The following CASTOR2 variants were observed in gnomAD, a reference collection of about 807,000 sequenced individuals.
CASTOR2 encodes the protein cytosolic arginine sensor for mTORC1 subunit 2.
In CASTOR2, 8 loss-of-function variants were observed where a neutral mutation model predicts 31.2. The ratio of observed to expected loss-of-function variants is 0.26; its 90% CI spans 0.15 to 0.46. The LOEUF (loss-of-function observed/expected upper bound fraction) is 0.46, where lower values mean the gene tolerates loss of function less well. Ranked by LOEUF, CASTOR2 falls within the 20% of genes least tolerant of loss-of-function variation. The pLI is 0.99. For synonymous variants in CASTOR2, 162 were observed against 158.7 expected (o/e 1.02, Z -0.16); for missense variants, 216 against 382.1 (o/e 0.57, Z 3.62).
At chr7:75,021,035 AG>A (rs1278762106) in intron 6 of CASTOR2, among the ~76,000 whole-genome samples, 1 of 151,888 alleles carries the variant, frequency 6.6e-6, no homozygotes, top group Non-Finnish European at 1.5e-5. Context: ...TCTGTTGCCC[AG>A]GCTGGAGTGC....
intron 1 of CASTOR2, among the ~76,000 whole-genome samples, chr7:74,988,062 T>A (rs35525401): frequency 6.7e-6 from 1 of 150,312 alleles, no homozygotes; most frequent in African/African-American, 2.5e-5. Flanking sequence ...GTTCTCACTC[T>A]TGGCCTCTGG....
chr7:74,984,338 G>C (rs1804014848), intron 1 of CASTOR2, among the ~76,000 whole-genome samples: 1 of 151,210 alleles, frequency 6.6e-6, no homozygotes, highest in African/African-American at 2.4e-5. Context: ...AGGAGGGGCA[G>C]GGAAGTTAGT....
chr7:75,005,411 C>T (rs1305965544), intron 1 of CASTOR2, among the ~76,000 whole-genome samples: 2 of 152,182 alleles, frequency 1.3e-5, no homozygotes, highest in East Asian at 3.9e-4. Context: ...TGTTAATGCA[C>T]GAATCAGTAG....
At chr7:75,016,025 C>G (rs1224019542) in intron 2 of CASTOR2, among the ~76,000 whole-genome samples, 1 of 151,994 alleles carries the variant, frequency 6.6e-6, no homozygotes, top group Non-Finnish European at 1.5e-5. Context: ...AAGATCATGC[C>G]AATGTACTCC....
At chr7:75,019,166 A>G in intron 5 of CASTOR2, 71 bp downstream of exon 5, 1 of 1,550,664 alleles carries the variant, frequency 6.4e-7, no homozygotes, top group Non-Finnish European at 8.7e-7. Flanking sequence ...TAGGAGTCTT[A>G]GTCTGACGGG....
At chr7:74,988,964 CTTT>C (rs34618815) in intron 1 of CASTOR2, among the ~76,000 whole-genome samples, 1 of 137,814 alleles carries the variant, frequency 7.3e-6, no homozygotes, top group African/African-American at 2.7e-5. Context: ...GGGAATTTTT[CTTT>C]TTTTTTTTTT....
In CASTOR2 at chr7:75,021,913, G is replaced by A. The variant is rs1039744761; in HGVS notation, c.786G>A (p.Glu262=). 3.1e-5 allele frequency: 48 copies of A among 1,551,760 alleles called. No homozygotes were observed. Among genetic ancestry groups the A allele is most frequent in the Non-Finnish European group, 2.8e-5 (32 of 1,146,924 alleles). Reference sequence around the variant, plus strand: ...TGCTGTTCACAAGCGCATCCGGAGAGCTCTGGAAGATGGTCCGGATTGGAG... The same window carrying A: ...TGCTGTTCACAAGCGCATCCGGAGAACTCTGGAAGATGGTCCGGATTGGAG... ...SNLLFTSASG[E]LWKMVRIGGQ... The change falls in exon 7 of 9, where the codon GAG becomes GAA. Residue 262 remains glutamate, a synonymous_variant. Coordinates refer to ENST00000616305, the MANE Select transcript of CASTOR2 (RefSeq NM_001145064.3).
At chr7:74,967,514 G>C (rs1803592136) in intron 1 of CASTOR2, among the ~76,000 whole-genome samples, 1 of 146,036 alleles carries the variant, frequency 6.8e-6, no homozygotes, top group Non-Finnish European at 1.5e-5. Flanking sequence ...CATGCCCTGA[G>C]GGTCCCTGTG....
At chr7:74,994,117 C>CCGCA (rs1420157885) in intron 1 of CASTOR2, among the ~76,000 whole-genome samples, 1 of 152,242 alleles carries the variant, frequency 6.6e-6, no homozygotes, top group Admixed American at 6.5e-5. Flanking sequence ...GCAGCCGCAG[C>CCGCA]GATTGAAGAT....
At chr7:74,998,585 A>G (rs1393355324) in intron 1 of CASTOR2, among the ~76,000 whole-genome samples, 3 of 137,612 alleles carry the variant, frequency 2.2e-5, no homozygotes, top group East Asian at 2.2e-4. Flanking sequence ...CCTGGGCGAC[A>G]GTGAGACTCC....
intron 1 of CASTOR2, among the ~76,000 whole-genome samples, chr7:74,992,845 G>T (rs1804243915): frequency 6.7e-6 from 1 of 150,056 alleles, no homozygotes; most frequent in Non-Finnish European, 1.5e-5. Flanking sequence ...CAAGGCTGCA[G>T]TGAGCTATGA....
At position 75,020,067 on chromosome 7, in the gene CASTOR2, G is replaced by C; in HGVS notation, c.664G>C (p.Asp222His). 6.4e-7 allele frequency: 1 copy of C among 1,551,482 alleles called. No individual in the cohort carries two copies. Among genetic ancestry groups the C allele is most frequent in the Non-Finnish European group, 8.7e-7 (1 of 1,146,840 alleles). Residue 222 changes from aspartate (D) to histidine (H), a missense_variant, in exon 6 of 9, where the codon GAC (aspartate) becomes CAC (histidine). This residue lies in a region of CASTOR2 where 44 missense variants were observed against 57.5 expected (regional missense o/e 0.76). Coordinates refer to ENST00000616305, the MANE Select transcript of CASTOR2 (RefSeq NM_001145064.3). The stretch of plus-strand genomic sequence containing the variant: ...GAAGGACCCCATGGCCACTGGGGAT[G>C]ACTGCGGCCACATCCGCTTCTTCTC... ...GVKDPMATGD[D>H]CGHIRFFSFS...
Position 74,999,601 on chromosome 7 carries a change from C to CTTTTTTTTTTTT in CASTOR2, c.114-8369_114-8358dup, listed in dbSNP as rs1158456043. On this transcript the variant is annotated intron_variant, in intron 1 of 8. Coordinates refer to ENST00000616305, the MANE Select transcript of CASTOR2 (RefSeq NM_001145064.3). The stretch of plus-strand genomic sequence containing the variant: ...CCCGAAACACTTCTATCACTCACTG[C>CTTTTTTTTTTTT]TTTTTTTTTTTTTTTTTTTTTTTTT... Among the ~76,000 whole-genome samples the CTTTTTTTTTTTT allele has an allele frequency of 4.6e-4, 21 of 45,782 alleles. 8 individuals carry two copies. Among genetic ancestry groups the CTTTTTTTTTTTT allele is most frequent in the African/African-American group, 1.8e-3 (14 of 7,974 alleles). 30.0% of individuals were successfully genotyped at this position (45,782 alleles called of 152,430 possible). A position where few individuals can be genotyped will look rare whatever the true frequency, so the allele number is the denominator to read the frequency against.
At chr7:74,992,030 T>G (rs1348308216) in intron 1 of CASTOR2, among the ~76,000 whole-genome samples, 2 of 151,914 alleles carry the variant, frequency 1.3e-5, no homozygotes, top group Middle Eastern at 6.3e-3. Context: ...TGAAAAAGGC[T>G]GGATTTGAGG....
intron 2 of CASTOR2, among the ~76,000 whole-genome samples, chr7:75,010,834 G>C (rs1162761232): frequency 1.3e-5 from 2 of 151,848 alleles, no homozygotes; most frequent in Non-Finnish European, 1.5e-5. Context: ...AAAATTGAGT[G>C]GATTTGTTTT....
At chr7:74,998,871 C>T (rs1376831833) in intron 1 of CASTOR2, among the ~76,000 whole-genome samples, 1 of 152,124 alleles carries the variant, frequency 6.6e-6, no homozygotes, top group African/African-American at 2.4e-5. Flanking sequence ...TTCTTCTGCC[C>T]TATCCGTCCC....
intron 2 of CASTOR2, among the ~76,000 whole-genome samples, chr7:75,017,064 A>G (rs1329240100): frequency 1.2e-4 from 19 of 152,206 alleles, no homozygotes; most frequent in Non-Finnish European, 2.4e-4. Context: ...CTACTCAAGA[A>G]TCACTTGAAC....
chr7:75,024,371 G>C, intron 7 of CASTOR2, 69 bp from the exon 8 acceptor site: 1 of 1,478,774 alleles, frequency 6.8e-7, no homozygotes, highest in South Asian at 1.2e-5. Context: ...AGAGGGTAGA[G>C]GCTGAAGAGC....
intron 1 of CASTOR2, among the ~76,000 whole-genome samples, chr7:74,988,464 A>G (rs1335644032): frequency 3.0e-4 from 46 of 151,928 alleles, no homozygotes; most frequent in Middle Eastern, 3.4e-3. Context: ...CGCCCAGCTA[A>G]TTTTTTATGT....
Sources: gnomAD v4.1 joint callset for allele counts (sites outside exome capture counted in the v4.1 genomes callset) on GRCh38, gnomAD v4.1.1 for gene constraint, gnomAD v4.1.1 regional missense constraint, MANE v1.5 for transcripts, NCBI Gene and HGNC (gene_info 2026-07-23, HGNC 2026-07-21) for gene names.